The following LRIG3 variants were observed in gnomAD, a reference collection of about 807,000 sequenced individuals.
LRIG3 encodes the protein leucine rich repeats and immunoglobulin like domains 3, also known as leucine-rich repeats and immunoglobulin-like domains protein 3.
A neutral mutation model predicts 114.5 loss-of-function variants in LRIG3; 76 were observed. That is an observed-to-expected ratio of 0.66 (90% confidence interval 0.55 to 0.80). The LOEUF (loss-of-function observed/expected upper bound fraction) is 0.80, where lower values mean the gene tolerates loss of function less well. LRIG3 is among the 30% of genes least tolerant of loss of function. The pLI is 0.00. For missense variants in LRIG3, 1,239 were observed against 1,382.8 expected, an observed-to-expected ratio of 0.90 and a Z score of 1.65; for synonymous variants, 512 against 519.8, an observed-to-expected ratio of 0.98 and a Z score of 0.20.
chr12:58,877,013 C>T (rs1055566532), intron 15 of LRIG3, among the ~76,000 whole-genome samples: 2 of 152,208 alleles, frequency 1.3e-5, no homozygotes, highest in African/African-American at 2.4e-5. Context: ...TCCTCTTCCA[C>T]TAATAAAATC....
At chr12:58,903,111 G>A (rs1257057976) in intron 3 of LRIG3, among the ~76,000 whole-genome samples, 3 of 152,140 alleles carry the variant, frequency 2.0e-5, no homozygotes, top group East Asian at 3.9e-4. Context: ...GGGTCAAATG[G>A]TATTTCTAGT....
chr12:58,904,418 T>G (rs1206753681), intron 3 of LRIG3, among the ~76,000 whole-genome samples: 1 of 152,174 alleles, frequency 6.6e-6, no homozygotes, highest in Admixed American at 6.5e-5. Flanking sequence ...TGGTAGAAGC[T>G]GTACCTGATA....
intron 16 of LRIG3, among the ~76,000 whole-genome samples, chr12:58,876,174 T>C (rs1487207987): frequency 6.6e-6 from 1 of 152,262 alleles, no homozygotes; most frequent in Non-Finnish European, 1.5e-5. Context: ...ACATTTATAA[T>C]GTAAAGGATA....
In LRIG3 at chr12:58,877,405, T is replaced by C. The variant is rs1258029081; in HGVS notation, c.2531A>G (p.Asn844Ser). ...RRRNEDCSITNTDETNLPADI... is the reference protein window; with the variant it reads ...RRRNEDCSITSTDETNLPADI... ...CCAAGCTTCTGTTTACACACCTGTG[T>C]TGGTAATGCTGCAATCTTCATTCCT... The change falls in exon 15 of 19, where the codon AAC (asparagine) becomes AGC (serine). Residue 844 changes from asparagine (N) to serine (S), a missense_variant. By Grantham distance (46) the Asn-to-Ser change is conservative. Coordinates refer to ENST00000320743, the MANE Select transcript of LRIG3 (RefSeq NM_153377.5). 4 of 1,613,508 alleles carry C rather than the reference T, an allele frequency of 2.5e-6. No individual in the cohort carries two copies. Among genetic ancestry groups the C allele is most frequent in the Non-Finnish European group, 3.4e-6 (4 of 1,179,624 alleles).
At chr12:58,873,357 A>T (rs910429135) in intron 18 of LRIG3, among the ~76,000 whole-genome samples, 4 of 152,268 alleles carry the variant, frequency 2.6e-5, no homozygotes, top group Non-Finnish European at 5.9e-5. Flanking sequence ...GTGATAAAAC[A>T]TAACATTTCG....
At chr12:58,873,776 C>A in intron 18 of LRIG3, 1 of 486,180 alleles carries the variant, frequency 2.1e-6, no homozygotes, top group Admixed American at 3.8e-5. Context: ...AAGCTGAGCT[C>A]CTAAGTCCTC....
chr12:58,901,651 A>G (rs888879035), intron 3 of LRIG3, among the ~76,000 whole-genome samples: 1 of 152,254 alleles, frequency 6.6e-6, no homozygotes, highest in Non-Finnish European at 1.5e-5. Flanking sequence ...AGAAATGGGA[A>G]TGAGAATTTA....
intron 3 of LRIG3, among the ~76,000 whole-genome samples, chr12:58,892,478 G>A (rs1425528712): frequency 6.6e-6 from 1 of 152,134 alleles, no homozygotes; most frequent in Non-Finnish European, 1.5e-5. Context: ...CTGCATTATT[G>A]TAACTCATCA....
At chr12:58,889,655 T>G (rs919038577) in intron 5 of LRIG3, among the ~76,000 whole-genome samples, 5 of 152,150 alleles carry the variant, frequency 3.3e-5, no homozygotes, top group African/African-American at 1.2e-4. Context: ...TATCAGAGCC[T>G]CCTGGAGTTG....
chr12:58,908,311 A>G (rs895962960), intron 3 of LRIG3, among the ~76,000 whole-genome samples: 6 of 152,326 alleles, frequency 3.9e-5, no homozygotes, highest in Non-Finnish European at 5.9e-5. Flanking sequence ...GTGTGGGAAG[A>G]GATCAGTGTG....
In LRIG3 at chr12:58,911,898, T is replaced by A. The variant is rs183691077; in HGVS notation, c.383+2084A>T. Among the ~76,000 whole-genome samples, 309 of 152,146 alleles carry A rather than the reference T, an allele frequency of 2.0e-3. 2 individuals carry two copies. Among genetic ancestry groups the A allele is most frequent in the Middle Eastern group, 0.017 (5 of 294 alleles). On this transcript the variant is annotated intron_variant, in intron 3 of 18. Transcript: ENST00000320743. ...GATATTTCATAGGTATAAAAAGAAG[T>A]TTTTACTCTCCACATTGAATTATCA...
chr12:58,881,512 C>A (rs1208526555), intron 12 of LRIG3, among the ~76,000 whole-genome samples: 3 of 151,982 alleles, frequency 2.0e-5, no homozygotes, highest in Non-Finnish European at 4.4e-5. Flanking sequence ...CTTTGAGCGG[C>A]CAATCGTGCC....
intron 3 of LRIG3, among the ~76,000 whole-genome samples, chr12:58,902,282 A>G (rs1043513571): frequency 6.6e-6 from 1 of 152,192 alleles, no homozygotes; most frequent in Non-Finnish European, 1.5e-5. Context: ...AAAATGTAAA[A>G]AAAATGCTCA....
chr12:58,883,805 A>G (rs118091714), intron 10 of LRIG3, among the ~76,000 whole-genome samples: 1,870 of 152,336 alleles, frequency 0.012, 33 homozygotes, highest in East Asian at 0.092. Context: ...GTTTTAGTGA[A>G]AAAGATTCAC....
chr12:58,885,086 G>T (rs979403248), intron 10 of LRIG3, among the ~76,000 whole-genome samples: 1 of 152,174 alleles, frequency 6.6e-6, no homozygotes, highest in African/African-American at 2.4e-5. Context: ...GCTACTGGGA[G>T]TAGCGGCAGA....
chr12:58,888,786 AC>A, intron 6 of LRIG3, 32 bp downstream of exon 6: 2 of 1,608,896 alleles, frequency 1.2e-6, no homozygotes, highest in Non-Finnish European at 1.7e-6. Flanking sequence ...TGATCATACT[AC>A]CTCAGTAGGA....
rs1871291664 is a variant in LRIG3, at chr12:58,886,849, A to C, written c.1133T>G (p.Met378Arg). 1.9e-6 allele frequency: 3 copies of C among 1,613,674 alleles called. No individual in the cohort carries two copies. Among genetic ancestry groups the C allele is most frequent in the Non-Finnish European group, 2.5e-6 (3 of 1,179,692 alleles). The change falls in exon 9 of 19, where the codon ATG (methionine) becomes AGG (arginine). Residue 378 changes from methionine to arginine, a missense_variant. Met to Arg is a moderately conservative substitution (Grantham distance 91). Transcript: ENST00000320743. Reference protein sequence around the residue: ...NNEISWTIEDMNGAFSGLDKL... With the variant: ...NNEISWTIEDRNGAFSGLDKL... ...GTCAAGCCCAGAGAAAGCACCATTC[A>C]TGTCTTCAATAGTCCAGGAAATTTC...
At chr12:58,876,655 C>T in intron 15 of LRIG3, 52 bp from the exon 16 acceptor site, 1 of 1,594,730 alleles carries the variant, frequency 6.3e-7, no homozygotes, top group Non-Finnish European at 8.6e-7. Context: ...TTAATTGTCC[C>T]ACAGGCATCC....
At position 58,888,503 on chromosome 12, in the gene LRIG3, T is replaced by C. The variant is rs758246306; in HGVS notation, c.804-31A>G. On this transcript the variant is annotated intron_variant, in intron 6 of 18. Coordinates refer to ENST00000320743, the MANE Select transcript of LRIG3 (RefSeq NM_153377.5). ...TTTACAGTAAGAATCAAAAGCAGGA[T>C]CAAAACTTCATTATCTAGTCTCTTC... 1.2e-5 allele frequency: 19 copies of C among 1,608,060 alleles called. No individual in the cohort carries two copies. The South Asian group carries it at 1.4e-4, about 12-fold the overall frequency.
Sources: gnomAD v4.1 joint callset for allele counts (sites outside exome capture counted in the v4.1 genomes callset) on GRCh38, gnomAD v4.1.1 for gene constraint, MANE v1.5 for transcripts, NCBI Gene and HGNC (gene_info 2026-07-23, HGNC 2026-07-21) for gene names.